The following KDM6B variants were observed in gnomAD, a reference collection of about 807,000 sequenced individuals.
KDM6B encodes the protein lysine-specific demethylase 6B.
In KDM6B, 22 loss-of-function variants were observed where a neutral mutation model predicts 150.4. The observed-to-expected ratio is 0.15, with a 90% CI of 0.10 to 0.21. The LOEUF is 0.21. Ranked by LOEUF, KDM6B falls within the 10% of genes least tolerant of loss-of-function variation. The probability of loss-of-function intolerance (pLI) is 1.00; values close to 1 mark genes in which losing one functional copy is unlikely to be tolerated. For missense variants in KDM6B, 1,984 were observed against 2,234.3 expected, an observed-to-expected ratio of 0.89 and a Z score of 2.26; for synonymous variants, 1,148 against 921.1, an observed-to-expected ratio of 1.25 and a Z score of -4.46.
chr17:7,849,931 C>T lies in KDM6B; in HGVS notation c.3551C>T (p.Pro1184Leu), dbSNP rs769618253. 1.9e-6 allele frequency: 3 copies of T among 1,613,648 alleles called. No individual in the cohort carries two copies. In the Admixed American group the frequency reaches 5.0e-5, roughly 27 times the overall value. ...EKLPREKLNPPTPSIYLESKR... is the reference protein window; with the variant it reads ...EKLPREKLNPLTPSIYLESKR... ...CTGCCCCGGGAAAAACTCAACCCCC[C>T]TACACCCAGCATCTATGTATGTGTG... Residue 1184 changes from proline (P) to leucine (L), a missense_variant, in exon 13 of 24, where the codon CCT becomes CTT. Pro to Leu is a moderately conservative substitution (Grantham distance 98). Around this residue, in one of 13 missense-constraint regions of KDM6B, gnomAD observed 1,379 missense variants for 1,275.6 expected, o/e 1.08. Coordinates refer to ENST00000448097, the MANE Select transcript of KDM6B (RefSeq NM_001348716.2).
Position 7,853,799 on chromosome 17 carries a change from A to C in KDM6B, c.*278A>C, listed in dbSNP as rs1405984460. On this transcript the variant is annotated 3_prime_UTR_variant, in exon 24 of 24. Coordinates refer to ENST00000448097, the MANE Select transcript of KDM6B (RefSeq NM_001348716.2). ...CCTCACCGACTTTGGCCTTTTTAGC[A>C]ACAGACACAAGGACCAGGCTCCGGC... is the stretch of plus-strand genomic sequence containing the variant. The C allele has an allele frequency of 3.9e-6, 1 of 257,888 alleles. No individual in the cohort carries two copies. The highest frequency in any genetic ancestry group is 2.3e-5 in the African/African-American group (1 of 43,676). 16.0% of individuals were successfully genotyped at this position (257,888 alleles called of 1,614,324 possible). A position where few individuals can be genotyped will look rare whatever the true frequency, so the allele number is the denominator to read the frequency against.
Position 7,847,330 on chromosome 17 carries a change from A to G in KDM6B, c.1135A>G (p.Thr379Ala), listed in dbSNP as rs2078572935. ...GGACTCCAGCGTTTCACCAGCAGCA[A>G]CCACCGCCTGCGTGCCTTACGCCCC... ...RMDSSVSPAA[T>A]TACVPYAPSR... The change falls in exon 11 of 24, where the codon ACC (threonine) becomes GCC (alanine). Residue 379 changes from threonine to alanine, a missense_variant. By Grantham distance (58) the Thr-to-Ala change is moderately conservative (BLOSUM62 0). This residue lies in a region of KDM6B where 1,379 missense variants were observed against 1,275.6 expected (regional missense o/e 1.08). Transcript: ENST00000448097. 6.2e-7 allele frequency: 1 copy of G among 1,607,370 alleles called. No individual in the cohort carries two copies. Among genetic ancestry groups the G allele is most frequent in the African/African-American group, 1.3e-5 (1 of 74,792 alleles).
chr17:7,847,881 C>T lies in KDM6B; in HGVS notation c.1593C>T (p.Ser531=), dbSNP rs2078596098. Residue 531 remains serine, a synonymous_variant, in exon 12 of 24, where the codon TCC becomes TCT. Coordinates refer to ENST00000448097, the MANE Select transcript of KDM6B (RefSeq NM_001348716.2). ...HREGFLGPPA[S]RFSVGTQDSH... ...AGGGCTTCTTGGGGCCTCCGGCCTCCCGCTTTTCTGTGGGCACTCAGGATT... is the reference window on the plus strand; with the variant it reads ...AGGGCTTCTTGGGGCCTCCGGCCTCTCGCTTTTCTGTGGGCACTCAGGATT... The T allele has an allele frequency of 6.2e-7, 1 of 1,609,074 alleles. No individual in the cohort carries two copies. The highest frequency in any genetic ancestry group is 1.1e-5 in the South Asian group (1 of 90,806).
intron 18 of KDM6B, 50 bp downstream of exon 18, chr17:7,851,846 C>T: frequency 6.4e-7 from 1 of 1,563,748 alleles, no homozygotes; most frequent in South Asian, 1.2e-5. Context: ...AGAGGAGGGG[C>T]TGGCGGCGGC....
intron 6 of KDM6B, 32 bp from the exon 7 acceptor site, chr17:7,846,046 C>CCACCCA (rs1362027339): frequency 1.5e-6 from 2 of 1,315,626 alleles, no homozygotes; most frequent in African/African-American, 2.9e-5. Context: ...AGCCCAACCC[C>CCACCCA]CACCCACACC....
intron 5 of KDM6B, 47 bp downstream of exon 5, chr17:7,845,738 C>T (rs2078519529): frequency 1.9e-6 from 3 of 1,613,064 alleles, no homozygotes; most frequent in African/African-American, 1.3e-5. Context: ...CTTTCCATCT[C>T]TGTATCCCTC....
chr17:7,852,115 C>T, intron 19 of KDM6B, 34 bp from the exon 20 acceptor site: 6 of 1,613,918 alleles, frequency 3.7e-6, no homozygotes, highest in Non-Finnish European at 4.2e-6. Flanking sequence ...GCCCTCGGTC[C>T]CCAGTTCCCA....
In KDM6B at chr17:7,849,846, C is replaced by T; in HGVS notation, c.3466C>T (p.Arg1156Ter). 6.2e-7 allele frequency: 1 copy of T among 1,613,136 alleles called. No homozygotes were observed. Among genetic ancestry groups the T allele is most frequent in the South Asian group, 1.1e-5 (1 of 91,084 alleles). ...GAATGCCAAGGTGAAAGGGAAGTTT[C>T]GAGAGTCCTACCTTTCCCCTGCCCA... ...SRNAKVKGKF[R>*]ESYLSPAQSV... Residue 1156 changes from arginine (R) to a stop codon, truncating the protein, a stop_gained, in exon 13 of 24, where the codon CGA becomes TGA. Coordinates refer to ENST00000448097, the MANE Select transcript of KDM6B (RefSeq NM_001348716.2). LOFTEE classifies it high-confidence loss of function.
Position 7,853,681 on chromosome 17 carries a change from C to T in KDM6B, c.*160C>T, listed in dbSNP as rs1597862689. On this transcript the variant is annotated 3_prime_UTR_variant, in exon 24 of 24. Transcript: ENST00000448097. ...CCCTCACTTAATTTATTAAGAAAAA[C>T]TTTTTTTTTTTTTTTAGCAAATATG... is the stretch of plus-strand genomic sequence containing the variant. 14 of 321,182 alleles carry T rather than the reference C, an allele frequency of 4.4e-5. No homozygotes were observed. Among genetic ancestry groups the T allele is most frequent in the East Asian group, 1.1e-4 (2 of 18,936 alleles). The allele number at this position is 321,182 out of a possible 1,614,324, so 19.9% of individuals were successfully genotyped here.
chr17:7,849,791 T>C, intron 12 of KDM6B, 30 bp from the exon 13 acceptor site: 2 of 1,612,840 alleles, frequency 1.2e-6, no homozygotes, highest in Non-Finnish European at 1.7e-6. Flanking sequence ...ACCCTGATGT[T>C]TCTGTCTTCA....
At chr17:7,845,183 CT>C in intron 3 of KDM6B, 130 bp from the exon 4 acceptor site, 2 of 381,304 alleles carry the variant, frequency 5.2e-6, no homozygotes, top group Admixed American at 3.7e-5. Flanking sequence ...CCGGGCCTCC[CT>C]TTGGGGAAAG....
At chr17:7,852,441 C>T in intron 20 of KDM6B, 54 bp from the exon 21 acceptor site, 3 of 1,290,146 alleles carry the variant, frequency 2.3e-6, no homozygotes, top group South Asian at 1.4e-5. Context: ...GGGCTTGGGC[C>T]TAGGTGTCTG....
At position 7,847,891 on chromosome 17, in the gene KDM6B, G is replaced by A; in HGVS notation, c.1603G>A (p.Val535Met). Residue 535 changes from valine (V) to methionine (M), a missense_variant, in exon 12 of 24, where the codon GTG becomes ATG. By Grantham distance (21) the Val-to-Met change is conservative. Coordinates refer to ENST00000448097, the MANE Select transcript of KDM6B (RefSeq NM_001348716.2). ...GGGGCCTCCGGCCTCCCGCTTTTCT[G>A]TGGGCACTCAGGATTCTCACACCCC... ...FLGPPASRFS[V>M]GTQDSHTPPT... The A allele has an allele frequency of 6.4e-7, 1 of 1,572,212 alleles. No homozygotes were observed. The highest frequency in any genetic ancestry group is 8.6e-7 in the Non-Finnish European group (1 of 1,166,442).
chr17:7,851,913 A>G (rs1020194520), intron 18 of KDM6B, 38 bp from the exon 19 acceptor site: 2 of 1,608,908 alleles, frequency 1.2e-6, no homozygotes, highest in African/African-American at 1.3e-5. Flanking sequence ...CGCAGTTCCG[A>G]CCTGGCCAGC....
Position 7,847,893 on chromosome 17 carries a change from G to A in KDM6B, c.1605G>A (p.Val535=). 1 of 1,587,972 alleles carries A rather than the reference G, an allele frequency of 6.3e-7. No homozygotes were observed. The highest frequency in any genetic ancestry group is 1.1e-5 in the South Asian group (1 of 90,438). ...GGCCTCCGGCCTCCCGCTTTTCTGT[G>A]GGCACTCAGGATTCTCACACCCCTC... The part of the protein sequence containing the change: ...FLGPPASRFS[V]GTQDSHTPPT... The change falls in exon 12 of 24, where the codon GTG becomes GTA. Residue 535 remains valine, a synonymous_variant. Transcript: ENST00000448097.
rs1462085926 is a variant in KDM6B, at chr17:7,853,369, G to A, written c.4897G>A (p.Ala1633Thr). Residue 1633 changes from alanine (A) to threonine (T), a missense_variant, in exon 23 of 24, where the codon GCC (alanine) becomes ACC (threonine). Coordinates refer to ENST00000448097, the MANE Select transcript of KDM6B (RefSeq NM_001348716.2). ...RTEELAQAYD[A>T]FTLAPASTSR is the part of the protein sequence containing the mutation. ...TGAGGAGCTGGCTCAGGCCTACGAC[G>A]CCTTCACGCTGGTGAGGGCCCGGCG... is the stretch of plus-strand genomic sequence containing the variant. The A allele has an allele frequency of 3.2e-6, 5 of 1,552,554 alleles. No homozygotes were observed. Among genetic ancestry groups the A allele is most frequent in the Non-Finnish European group, 3.5e-6 (4 of 1,152,714 alleles).
intron 2 of KDM6B, among the ~76,000 whole-genome samples, chr17:7,842,101 A>G (rs76460293): frequency 1.3e-5 from 2 of 152,254 alleles, no homozygotes; most frequent in Admixed American, 6.5e-5. Context: ...TGCGCACTTC[A>G]GGCCTCTTAC....
In KDM6B at chr17:7,853,100, C is replaced by G. The variant is rs1774001338; in HGVS notation, c.4711C>G (p.Pro1571Ala). ...IAYQGRVKDE[P>A]AYYCNECDVE... Reference sequence around the variant, plus strand: ...TTACCAGGGCCGTGTCAAGGACGAGCCAGCCTACTACTGCAACGAGTGCGA... The same window carrying G: ...TTACCAGGGCCGTGTCAAGGACGAGGCAGCCTACTACTGCAACGAGTGCGA... Residue 1571 changes from proline (P) to alanine (A), a missense_variant, in exon 22 of 24, where the codon CCA becomes GCA. Pro to Ala is a conservative substitution (Grantham distance 27). Transcript: ENST00000448097. 6.2e-7 allele frequency: 1 copy of G among 1,614,038 alleles called. No individual in the cohort carries two copies. The highest frequency in any genetic ancestry group is 1.3e-5 in the African/African-American group (1 of 74,930).
At position 7,844,525 on chromosome 17, in the gene KDM6B, G is replaced by A. The variant is rs952608024; in HGVS notation, c.-268-376G>A. 6.6e-6 allele frequency among the ~76,000 whole-genome samples: 1 copy of A among 152,278 alleles called. No individual in the cohort carries two copies. The highest frequency in any genetic ancestry group is 6.5e-5 in the Admixed American group (1 of 15,308). The stretch of plus-strand genomic sequence containing the variant: ...GAGGTCTGTCACTGGGCGAGGTGAA[G>A]TGAGGAAGGGGAGGGACGTCTTTTT... On this transcript the variant is annotated intron_variant, in intron 2 of 23. Coordinates refer to ENST00000448097, the MANE Select transcript of KDM6B (RefSeq NM_001348716.2). This position sits in a 1 kb window ranked among gnomAD's most constrained non-coding sequence, Gnocchi z 5.9.
Sources: allele counts gnomAD v4.1 joint callset (sites outside exome capture counted in the v4.1 genomes callset), GRCh38; gene constraint gnomAD v4.1.1; regional missense constraint gnomAD v4.1.1; non-coding constraint Gnocchi (gnomAD v3.1); transcripts MANE v1.5; gene names NCBI Gene and HGNC (gene_info 2026-07-23, HGNC 2026-07-21).